The following PDPR variants were observed in gnomAD, a reference collection of about 807,000 sequenced individuals.
The protein encoded by PDPR is pyruvate dehydrogenase phosphatase regulatory subunit, also known as pyruvate dehydrogenase phosphatase regulatory subunit, mitochondrial.
PDPR carries 50 observed loss-of-function variants against 102.2 expected under a neutral mutation model. The observed-to-expected ratio is 0.49, with a 90% CI of 0.39 to 0.62. The LOEUF (loss-of-function observed/expected upper bound fraction) is 0.62, where lower values mean the gene tolerates loss of function less well. Among genes scored for constraint, PDPR ranks in the 20% least tolerant of loss-of-function variants. The pLI is 0.00. For missense variants in PDPR, 625 were observed against 1,098.2 expected (o/e 0.57, Z 6.09); for synonymous variants, 259 against 406.0 (o/e 0.64, Z 4.35).
At chr16:70,150,805 C>T (rs1966674899) in intron 17 of PDPR, among the ~76,000 whole-genome samples, 1 of 152,226 alleles carries the variant, frequency 6.6e-6, no homozygotes, top group African/African-American at 2.4e-5. Context: ...AGCCACTACC[C>T]CGACCTTATT....
intron 11 of PDPR, 61 bp from the exon 12 acceptor site, chr16:70,142,173 G>T (rs2549125): frequency 0.11 from 156,242 of 1,386,262 alleles, 2 homozygotes; most frequent in African/African-American, 0.14. Context: ...TAGTGGACAT[G>T]GGCTACTCAG....
chr16:70,146,283 G>A, intron 16 of PDPR, 55 bp downstream of exon 16: 1 of 1,611,586 alleles, frequency 6.2e-7, no homozygotes. Context: ...GTCTTTCATA[G>A]CGGTGGCAGG....
At chr16:70,125,467 T>C (rs1257974079) in intron 3 of PDPR, among the ~76,000 whole-genome samples, 1 of 148,204 alleles carries the variant, frequency 6.7e-6, no homozygotes, top group Non-Finnish European at 1.5e-5. Context: ...GGCAGGAGAA[T>C]AGCTTGAACC....
intron 18 of PDPR, 79 bp from the exon 19 acceptor site, chr16:70,156,396 G>A: frequency 6.5e-7 from 1 of 1,535,978 alleles, no homozygotes; most frequent in Admixed American, 1.9e-5. Flanking sequence ...TGACACCAGG[G>A]GACCCTTCCC....
At chr16:70,134,210 A>G (rs1432876146) in intron 9 of PDPR, among the ~76,000 whole-genome samples, 1 of 152,132 alleles carries the variant, frequency 6.6e-6, no homozygotes, top group Non-Finnish European at 1.5e-5. Context: ...TTTTAAAATA[A>G]TTTTATTTAT....
chr16:70,118,062 C>A (rs1298016637), intron 2 of PDPR, among the ~76,000 whole-genome samples: 1 of 151,006 alleles, frequency 6.6e-6, no homozygotes, highest in African/African-American at 2.4e-5. Context: ...CGCTGCACTC[C>A]CAGCTGGGCG....
chr16:70,131,972 C>G, intron 8 of PDPR, 179 bp from the exon 9 acceptor site: 1 of 1,522,718 alleles, frequency 6.6e-7, no homozygotes, highest in Non-Finnish European at 8.8e-7. Flanking sequence ...GATCTTCCCC[C>G]GTGACCTCAA....
chr16:70,158,952 C>G lies in PDPR; in HGVS notation c.*2073C>G, dbSNP rs957802984. 29 of 152,474 alleles carry G rather than the reference C, an allele frequency of 1.9e-4. No individual in the cohort carries two copies. Among genetic ancestry groups the G allele is most frequent in the Non-Finnish European group, 4.1e-4 (28 of 68,064 alleles). 9.4% of individuals were successfully genotyped at this position (152,474 alleles called of 1,614,324 possible). On this transcript the variant is annotated 3_prime_UTR_variant, in exon 19 of 19. Coordinates refer to ENST00000288050, the MANE Select transcript of PDPR (RefSeq NM_017990.5). ...AGAATTTAGTTACACATAGACATAA[C>G]TCTTCAACCTTAACTATGGCAATAC...
intron 3 of PDPR, among the ~76,000 whole-genome samples, chr16:70,126,606 G>A (rs34001035): frequency 0.23 from 33,373 of 143,376 alleles, 1,152 homozygotes; most frequent in Non-Finnish European, 0.31. Context: ...CTTGTGATCC[G>A]CCCACCTCAG....
Position 70,162,078 on chromosome 16 carries a change from AAG to A in PDPR, c.*5200_*5201del, listed in dbSNP as rs1967842506. On this transcript the variant is annotated 3_prime_UTR_variant, in exon 19 of 19. Coordinates refer to ENST00000288050, the MANE Select transcript of PDPR (RefSeq NM_017990.5). ...TGGGTGCAGATTGGAAGAAAGAGAA[AAG>A]TTCATCTCGGTGTGTGGGTTCCCAT... The A allele has an allele frequency of 6.6e-6, 1 of 152,442 alleles. No individual in the cohort carries two copies. The highest frequency in any genetic ancestry group is 3.2e-3 in the Middle Eastern group (1 of 316). The allele number at this position is 152,442 out of a possible 1,614,324, so 9.4% of individuals were successfully genotyped here.
At chr16:70,151,338 G>C (rs1341633835) in intron 17 of PDPR, among the ~76,000 whole-genome samples, 4 of 152,276 alleles carry the variant, frequency 2.6e-5, no homozygotes, top group Admixed American at 6.5e-5. Context: ...CAAAGTGTTG[G>C]GATTACCGGC....
rs1967522416 is a variant in PDPR, at chr16:70,159,095, A to G, written c.*2216A>G. On this transcript the variant is annotated 3_prime_UTR_variant, in exon 19 of 19. Coordinates refer to ENST00000288050, the MANE Select transcript of PDPR (RefSeq NM_017990.5). ...GTGCCATCATCACAGTATATTAGTC[A>G]AATAGAAGCTTCATCAGAAATGTAT... is the stretch of plus-strand genomic sequence containing the variant. 2.0e-5 allele frequency: 3 copies of G among 152,352 alleles called. No individual in the cohort carries two copies. The highest frequency in any genetic ancestry group is 4.4e-5 in the Non-Finnish European group (3 of 68,074). The allele number at this position is 152,352 out of a possible 1,614,324, so 9.4% of individuals were successfully genotyped here.
chr16:70,125,317 G>C (rs1161475091), intron 3 of PDPR, among the ~76,000 whole-genome samples: 4 of 152,148 alleles, frequency 2.6e-5, no homozygotes, highest in African/African-American at 9.6e-5. Flanking sequence ...TGGAGGTTGC[G>C]GTGAGCCGAG....
rs567239833 is a variant in PDPR at position 70,143,943 on chromosome 16, G to T, written c.1754+285G>T. 2.0e-5 allele frequency among the ~76,000 whole-genome samples: 3 copies of T among 152,204 alleles called. No individual in the cohort carries two copies. In the East Asian group the frequency reaches 5.8e-4, roughly 29 times the overall value. On this transcript the variant is annotated intron_variant, in intron 14 of 18. Coordinates refer to ENST00000288050, the MANE Select transcript of PDPR (RefSeq NM_017990.5). ...GTCTCACTTTGTTACCCAGGCTGGA[G>T]TGCAGTGATGCGATCATGGATCCCT...
chr16:70,141,676 A>G (rs1965729333), intron 11 of PDPR, among the ~76,000 whole-genome samples: 1 of 152,286 alleles, frequency 6.6e-6, no homozygotes, highest in Non-Finnish European at 1.5e-5. Context: ...GGAATGCTGA[A>G]TGTGAATACA....
In PDPR at chr16:70,160,171, C is replaced by G. The variant is rs1967645942; in HGVS notation, c.*3292C>G. ...CCCTCCCTTGAAATGTCTTTAATTA[C>G]CTCCCCTTCATCGTCAGGCCACGTG... On this transcript the variant is annotated 3_prime_UTR_variant, in exon 19 of 19. Transcript: ENST00000288050. 1 of 152,834 alleles carries G rather than the reference C, an allele frequency of 6.5e-6. No individual in the cohort carries two copies. The highest frequency in any genetic ancestry group is 6.5e-5 in the Admixed American group (1 of 15,296). The allele number at this position is 152,834 out of a possible 1,614,324, so 9.5% of individuals were successfully genotyped here.
At chr16:70,145,449 A>G (rs375495616) in intron 15 of PDPR, among the ~76,000 whole-genome samples, 36 of 152,338 alleles carry the variant, frequency 2.4e-4, no homozygotes, top group East Asian at 1.7e-3. Flanking sequence ...GAGAGTACCT[A>G]ATTTTTAAGG....
intron 9 of PDPR, among the ~76,000 whole-genome samples, chr16:70,133,088 G>GCATGAGC (rs1394931507): frequency 6.7e-6 from 1 of 149,202 alleles, no homozygotes; most frequent in African/African-American, 2.5e-5. Context: ...GTGATTACGG[G>GCATGAGC]CATGAGCCAT....
Position 70,120,584 on chromosome 16 carries a change from C to G in PDPR, c.92C>G (p.Ala31Gly). 6.2e-7 allele frequency: 1 copy of G among 1,614,002 alleles called. No homozygotes were observed. Among genetic ancestry groups the G allele is most frequent in the East Asian group, 2.2e-5 (1 of 44,890 alleles). Residue 31 changes from alanine to glycine, a missense_variant, in exon 3 of 19, where the codon GCT (alanine) becomes GGT (glycine). Ala to Gly is a moderately conservative substitution (Grantham distance 60). Transcript: ENST00000288050. ...NWSSARNSTS[A>G]AEARSMALPT... ...TCCTCTGCAAGAAACAGCACGTCAGCTGCCGAGGCGCGTTCCATGGCCCTG... is the reference window on the plus strand; with the variant it reads ...TCCTCTGCAAGAAACAGCACGTCAGGTGCCGAGGCGCGTTCCATGGCCCTG...
Sources: gnomAD v4.1 joint callset for allele counts (sites outside exome capture counted in the v4.1 genomes callset) on GRCh38, gnomAD v4.1.1 for gene constraint, MANE v1.5 for transcripts, NCBI Gene and HGNC (gene_info 2026-07-23, HGNC 2026-07-21) for gene names.